Variants in CFH observed in about 807,000 individuals in gnomAD.
CFH encodes complement factor H.
CFH carries 53 observed loss-of-function variants against 147.3 expected under a neutral mutation model. That is an observed-to-expected ratio of 0.36 (90% CI 0.29 to 0.45). The LOEUF is 0.45. Among genes scored for constraint, CFH ranks in the 20% least tolerant of loss-of-function variants. The pLI is 1.00. For missense variants in CFH, 1,380 were observed against 1,498.0 expected (o/e 0.92, Z 1.30); for synonymous variants, 536 against 489.4 (o/e 1.10, Z -1.26).
chr1:196,675,037 A>G (rs933736382), intron 3 of CFH, among the ~76,000 whole-genome samples: 1 of 152,188 alleles, frequency 6.6e-6, no homozygotes, highest in African/African-American at 2.4e-5. Context: ...TGATCTTATC[A>G]CACATAACCA....
intron 9 of CFH, among the ~76,000 whole-genome samples, chr1:196,693,001 G>T (rs1259273636): frequency 1.3e-5 from 2 of 149,226 alleles, no homozygotes; most frequent in East Asian, 4.0e-4. Flanking sequence ...TACTCTTCAT[G>T]CTAGACCCTG....
Position 196,677,650 on chromosome 1 carries a change from A to G in CFH, c.602A>G (p.Glu201Gly), listed in dbSNP as rs146159006. Residue 201 changes from glutamate (E) to glycine (G), a missense_variant, in exon 5 of 22, where the codon GAG (glutamate) becomes GGG (glycine). Glu to Gly is a moderately conservative substitution (Grantham distance 98). Coordinates refer to ENST00000367429, the MANE Select transcript of CFH (RefSeq NM_000186.4). Reference sequence around the variant, plus strand: ...TCAGACGATGGTTTTTGGAGTAAAGAGAAACCAAAGTGTGTGGGTAAGATA... The same window carrying G: ...TCAGACGATGGTTTTTGGAGTAAAGGGAAACCAAAGTGTGTGGGTAAGATA... Reference protein sequence around the residue: ...HCSDDGFWSKEKPKCVEISCK... With the variant: ...HCSDDGFWSKGKPKCVEISCK... 7 of 1,613,016 alleles carry G rather than the reference A, an allele frequency of 4.3e-6. No homozygotes were observed. Among genetic ancestry groups the G allele is most frequent in the East Asian group, 2.2e-5 (1 of 44,778 alleles).
intron 21 of CFH, among the ~76,000 whole-genome samples, chr1:196,746,700 T>C (rs957281893): frequency 6.6e-6 from 1 of 152,190 alleles, no homozygotes; most frequent in African/African-American, 2.4e-5. Context: ...TTCTTACCAA[T>C]TTTCAAATAA....
At chr1:196,690,291 T>A in intron 9 of CFH, 52 bp downstream of exon 9, 1 of 1,604,222 alleles carries the variant, frequency 6.2e-7, no homozygotes, top group Non-Finnish European at 8.5e-7. Context: ...CTAAGTAACA[T>A]AGATGACATT....
intron 1 of CFH, among the ~76,000 whole-genome samples, chr1:196,662,453 T>C (rs928668904): frequency 6.6e-6 from 1 of 152,216 alleles, no homozygotes; most frequent in Admixed American, 6.5e-5. Flanking sequence ...TATATTTACT[T>C]GAACATTTAC....
chr1:196,715,635 A>C lies in CFH; in HGVS notation c.1562A>C (p.Asn521Thr). The change falls in exon 11 of 22, where the codon AAT becomes ACT. Residue 521 changes from asparagine (N) to threonine (T), a missense_variant. Asn to Thr is a moderately conservative substitution (Grantham distance 65). This residue lies in a region of CFH where 830 missense variants were observed against 821.4 expected (regional missense o/e 1.01). Transcript: ENST00000367429. ...GTATTTATGAATGCCAGAACTAAAAATGACTTCACATGGTTTAAGCTGAAT... is the reference window on the plus strand; with the variant it reads ...GTATTTATGAATGCCAGAACTAAAACTGACTTCACATGGTTTAAGCTGAAT... Reference protein sequence around the residue: ...IPVFMNARTKNDFTWFKLNDT... With the variant: ...IPVFMNARTKTDFTWFKLNDT... 6.2e-7 allele frequency: 1 copy of C among 1,612,834 alleles called. No individual in the cohort carries two copies. The highest frequency in any genetic ancestry group is 1.7e-4 in the Middle Eastern group (1 of 6,048).
intron 15 of CFH, among the ~76,000 whole-genome samples, chr1:196,735,363 C>T (rs183479357): frequency 7.7e-4 from 117 of 152,170 alleles, no homozygotes; most frequent in Admixed American, 2.8e-3. Flanking sequence ...GTCTACCTTG[C>T]TAACGGTTCT....
chr1:196,662,571 T>G (rs1253808639), intron 1 of CFH, among the ~76,000 whole-genome samples: 1 of 152,174 alleles, frequency 6.6e-6, no homozygotes, highest in Admixed American at 6.5e-5. Flanking sequence ...GTATTTATAG[T>G]GGCAAATTCT....
chr1:196,659,703 A>G lies in CFH; in HGVS notation c.58+7528A>G, dbSNP rs1489238871. On this transcript the variant is annotated intron_variant, in intron 1 of 21. Coordinates refer to ENST00000367429, the MANE Select transcript of CFH (RefSeq NM_000186.4). ...GTAACTTCTGGGTGTTGCCATGGTA[A>G]TGGTAAACTGTCATAGCACACTGGT... Among the ~76,000 whole-genome samples the G allele has an allele frequency of 2.0e-5, 3 of 152,160 alleles. No individual in the cohort carries two copies. The East Asian group carries it at 5.8e-4, about 29-fold the overall frequency.
At chr1:196,680,283 A>G (rs1352852262) in intron 6 of CFH, among the ~76,000 whole-genome samples, 1 of 151,142 alleles carries the variant, frequency 6.6e-6, no homozygotes, top group Non-Finnish European at 1.5e-5. Flanking sequence ...AGTATGACTC[A>G]ACGGTGATGA....
intron 9 of CFH, among the ~76,000 whole-genome samples, chr1:196,693,330 C>T (rs1475498541): frequency 1.3e-5 from 2 of 151,924 alleles, no homozygotes; most frequent in South Asian, 2.1e-4. Context: ...ATATCAATTT[C>T]TCTTGACTTG....
chr1:196,708,564 C>T (rs892317182), intron 9 of CFH, among the ~76,000 whole-genome samples: 1 of 151,968 alleles, frequency 6.6e-6, no homozygotes, highest in African/African-American at 2.4e-5. Context: ...TTCTGGGGAG[C>T]CTGTAAAAAA....
At chr1:196,727,685 T>C (rs1669179940) in intron 14 of CFH, among the ~76,000 whole-genome samples, 1 of 152,140 alleles carries the variant, frequency 6.6e-6, no homozygotes, top group Non-Finnish European at 1.5e-5. Context: ...GATTCTTTTC[T>C]CTCTTAAAGC....
chr1:196,685,705 G>A lies in CFH; in HGVS notation c.964+468G>A, dbSNP rs960778203. 4.7e-4 allele frequency among the ~76,000 whole-genome samples: 71 copies of A among 152,034 alleles called. 1 individual carries two copies. Among genetic ancestry groups the A allele is most frequent in the Non-Finnish European group, 5.9e-5 (4 of 67,980 alleles). ...TGGCCCAGGCTACAGTGATCAGAAG[G>A]CTTGGCTGGGAAGGAGGATCTGCTT... On this transcript the variant is annotated intron_variant, in intron 7 of 21. Coordinates refer to ENST00000367429, the MANE Select transcript of CFH (RefSeq NM_000186.4).
intron 4 of CFH, 62 bp from the exon 5 acceptor site, chr1:196,677,414 A>C: frequency 7.0e-7 from 1 of 1,429,754 alleles, no homozygotes; most frequent in Admixed American, 1.7e-5. Context: ...TTATACATAC[A>C]CATATTTTTC....
At chr1:196,685,273 T>C (rs768111057) in intron 7 of CFH, 36 bp downstream of exon 7, 29 of 1,606,206 alleles carry the variant, frequency 1.8e-5, no homozygotes, top group Non-Finnish European at 2.4e-5. Context: ...ATTTCTTAAT[T>C]CTGAAATTTC....
chr1:196,655,945 T>C (rs1446425632), intron 1 of CFH, among the ~76,000 whole-genome samples: 2 of 152,228 alleles, frequency 1.3e-5, no homozygotes, highest in Non-Finnish European at 2.9e-5. Context: ...TTATTTCTTC[T>C]GACATTTTAA....
In CFH at chr1:196,682,856, G is replaced by A. The variant is rs545891227; in HGVS notation, c.791-2208G>A. ...CTAATCTAAATATATTATCCTGTTA[G>A]CTATAGAGATATATTAAAGCTTATT... On this transcript the variant is annotated intron_variant, in intron 6 of 21. Transcript: ENST00000367429. Among the ~76,000 whole-genome samples the A allele has an allele frequency of 2.0e-5, 3 of 151,442 alleles. No homozygotes were observed. The South Asian group carries it at 6.2e-4, about 32-fold the overall frequency.
intron 17 of CFH, among the ~76,000 whole-genome samples, chr1:196,739,842 G>A (rs1051393544): frequency 6.6e-6 from 1 of 152,080 alleles, no homozygotes; most frequent in Admixed American, 6.5e-5. Flanking sequence ...GTATTAGTCT[G>A]TTATCATGCT....
Sources: gnomAD v4.1 joint callset for allele counts (sites outside exome capture counted in the v4.1 genomes callset) on GRCh38, gnomAD v4.1.1 for gene constraint, gnomAD v4.1.1 regional missense constraint, MANE v1.5 for transcripts, NCBI Gene and HGNC (gene_info 2026-07-23, HGNC 2026-07-21) for gene names.